The following SGCD variants were observed in gnomAD, a reference collection of about 807,000 sequenced individuals.
The protein encoded by SGCD is delta-sarcoglycan.
A neutral mutation model predicts 36.6 loss-of-function variants in SGCD; 18 were observed. The observed-to-expected ratio is 0.49, with a 90% confidence interval of 0.34 to 0.73. SGCD has a LOEUF of 0.73. SGCD is among the 30% of genes least tolerant of loss of function. The pLI is 0.01. For missense variants in SGCD, 387 were observed against 346.7 expected (o/e 1.12, Z -0.92); for synonymous variants, 133 against 130.6 (o/e 1.02, Z -0.12).
At chr5:155,884,255 T>C (rs1755956531) in intron 1 of SGCD, among the ~76,000 whole-genome samples, 2 of 152,190 alleles carry the variant, frequency 1.3e-5, no homozygotes, top group Non-Finnish European at 1.5e-5. Flanking sequence ...GCCACTTGTT[T>C]GTCTTTCTGT....
intron 6 of SGCD, among the ~76,000 whole-genome samples, chr5:156,614,567 TC>T (rs1225992571): frequency 1.1e-4 from 17 of 152,346 alleles, no homozygotes; most frequent in South Asian, 1.0e-3. Context: ...AAGTCTTCTT[TC>T]ACCTGGTCAC....
chr5:156,585,870 A>T (rs1021282021), intron 4 of SGCD, among the ~76,000 whole-genome samples: 1 of 152,164 alleles, frequency 6.6e-6, no homozygotes, highest in Non-Finnish European at 1.5e-5. Flanking sequence ...ATAATAAAAA[A>T]ACTTTGTATT....
intron 3 of SGCD, among the ~76,000 whole-genome samples, chr5:156,283,809 C>T (rs370258380): frequency 4.6e-5 from 7 of 152,260 alleles, no homozygotes; most frequent in East Asian, 3.9e-4. Flanking sequence ...GCAGACCACA[C>T]GTTGAGAAGC....
intron 3 of SGCD, among the ~76,000 whole-genome samples, chr5:156,308,762 A>G (rs1767307632): frequency 6.6e-6 from 1 of 152,152 alleles, no homozygotes; most frequent in Non-Finnish European, 1.5e-5. Flanking sequence ...GAGACACAGA[A>G]CTGAACCATA....
chr5:156,344,124 T>A (rs1768815869), intron 2 of SGCD, among the ~76,000 whole-genome samples: 1 of 152,238 alleles, frequency 6.6e-6, no homozygotes, highest in South Asian at 2.1e-4. Flanking sequence ...CTTATTTTCT[T>A]CAGTAATTCT....
intron 1 of SGCD, among the ~76,000 whole-genome samples, chr5:155,976,683 T>A (rs1758119983): frequency 6.6e-6 from 1 of 152,124 alleles, no homozygotes; most frequent in Admixed American, 6.5e-5. Context: ...CGTTTGTTCC[T>A]CCTCCTCCTC....
intron 2 of SGCD, among the ~76,000 whole-genome samples, chr5:156,343,184 A>AT (rs1224271497): frequency 6.6e-6 from 1 of 152,198 alleles, no homozygotes; most frequent in Non-Finnish European, 1.5e-5. Flanking sequence ...TAGGGCCTGC[A>AT]TTTTGGTTTT....
intron 1 of SGCD, among the ~76,000 whole-genome samples, chr5:156,014,198 A>G (rs561965406): frequency 1.2e-4 from 18 of 152,296 alleles, no homozygotes; most frequent in Admixed American, 3.3e-4. Flanking sequence ...ATGAGATTCA[A>G]TATCTGGTAG....
At chr5:156,354,827 G>T (rs573867768) in intron 3 of SGCD, among the ~76,000 whole-genome samples, 2 of 152,280 alleles carry the variant, frequency 1.3e-5, no homozygotes, top group African/African-American at 4.8e-5. Flanking sequence ...CTGAGAACCT[G>T]CAGGTCAGTC....
At chr5:156,425,737 A>G (rs186168551) in intron 3 of SGCD, among the ~76,000 whole-genome samples, 1 of 151,960 alleles carries the variant, frequency 6.6e-6, no homozygotes, top group East Asian at 1.9e-4. Context: ...CCGAGTCCCT[A>G]AAGTCCTTTA....
chr5:156,218,077 C>T (rs1055418581), intron 3 of SGCD, among the ~76,000 whole-genome samples: 2 of 151,978 alleles, frequency 1.3e-5, no homozygotes, highest in African/African-American at 4.8e-5. Flanking sequence ...AGTTTGAGAC[C>T]AGCCTGGCCA....
chr5:156,371,504 T>C (rs974599666), intron 3 of SGCD, among the ~76,000 whole-genome samples: 8 of 152,164 alleles, frequency 5.3e-5, no homozygotes, highest in Admixed American at 3.9e-4. Flanking sequence ...CTAAGTATGA[T>C]AGGAGCTACA....
At chr5:156,252,239 G>A (rs943882536) in intron 3 of SGCD, among the ~76,000 whole-genome samples, 12 of 151,732 alleles carry the variant, frequency 7.9e-5, no homozygotes, top group African/African-American at 2.7e-4. Flanking sequence ...CACCACACCT[G>A]GCTAATTTTG....
chr5:156,574,774 G>C (rs535017856), intron 4 of SGCD, among the ~76,000 whole-genome samples: 1 of 152,018 alleles, frequency 6.6e-6, no homozygotes, highest in Non-Finnish European at 1.5e-5. Flanking sequence ...TTTTCTCTCC[G>C]TGTTAGTAAT....
At chr5:156,321,297 G>A (rs921214137) in intron 3 of SGCD, among the ~76,000 whole-genome samples, 3 of 152,056 alleles carry the variant, frequency 2.0e-5, no homozygotes, top group African/African-American at 7.2e-5. Flanking sequence ...GTGGGCGCCT[G>A]TAGTCCCAGC....
intron 4 of SGCD, among the ~76,000 whole-genome samples, chr5:156,513,232 T>A (rs2127882971): frequency 6.6e-6 from 1 of 152,268 alleles, no homozygotes; most frequent in African/African-American, 2.4e-5. Flanking sequence ...TGAAAGAAAC[T>A]GGGGTTCTGG....
At chr5:156,126,740 G>T (rs1312821221) in intron 3 of SGCD, among the ~76,000 whole-genome samples, 1 of 152,178 alleles carries the variant, frequency 6.6e-6, no homozygotes, top group Non-Finnish European at 1.5e-5. Context: ...CTAGTCTTTA[G>T]AAAAGGCAAA....
chr5:156,572,972 G>A (rs898990424), intron 4 of SGCD, among the ~76,000 whole-genome samples: 2 of 151,898 alleles, frequency 1.3e-5, no homozygotes, highest in African/African-American at 4.8e-5. Context: ...GAAATTTAGG[G>A]TACACAAAAA....
At chr5:156,587,187 G>A (rs1370009261) in intron 4 of SGCD, among the ~76,000 whole-genome samples, 2 of 152,146 alleles carry the variant, frequency 1.3e-5, no homozygotes, top group Non-Finnish European at 2.9e-5. Flanking sequence ...CTGCCCTTTT[G>A]TTAGGAGGAA....
Sources: allele counts gnomAD v4.1 joint callset (sites outside exome capture counted in the v4.1 genomes callset), GRCh38; gene constraint gnomAD v4.1.1; transcripts MANE v1.5; gene names NCBI Gene and HGNC (gene_info 2026-07-23, HGNC 2026-07-21).